The following GLS variants were observed in gnomAD, a reference collection of about 807,000 sequenced individuals.
GLS encodes the protein glutaminase kidney isoform, mitochondrial.
GLS carries 36 observed loss-of-function variants against 86.7 expected under a neutral mutation model. The observed-to-expected ratio is 0.42, with a 90% CI of 0.32 to 0.55. The LOEUF (loss-of-function observed/expected upper bound fraction) is 0.55. Ranked by LOEUF, GLS falls within the 20% of genes least tolerant of loss-of-function variation. The pLI, the probability that GLS is intolerant of heterozygous loss-of-function variation, is 0.17. For missense variants in GLS, 528 were observed against 833.4 expected (o/e 0.63, Z 4.51); for synonymous variants, 317 against 305.9 (o/e 1.04, Z -0.38).
At chr2:190,925,153 T>C (rs890538571) in intron 11 of GLS, among the ~76,000 whole-genome samples, 1 of 152,230 alleles carries the variant, frequency 6.6e-6, no homozygotes, top group Non-Finnish European at 1.5e-5. Flanking sequence ...TTGGCACTCT[T>C]AATTATAAAC....
chr2:190,887,288 A>G (rs1205171862), intron 1 of GLS, among the ~76,000 whole-genome samples: 4 of 152,140 alleles, frequency 2.6e-5, no homozygotes, highest in Non-Finnish European at 4.4e-5. Flanking sequence ...TGGTTATGAA[A>G]CACATTACTT....
intron 9 of GLS, among the ~76,000 whole-genome samples, chr2:190,922,903 A>G (rs1689787522): frequency 6.6e-6 from 1 of 152,102 alleles, no homozygotes; most frequent in African/African-American, 2.4e-5. Flanking sequence ...TTCTTTCCAA[A>G]CTGCTCTTTG....
chr2:190,933,474 A>G, intron 14 of GLS: 1 of 862,654 alleles, frequency 1.2e-6, no homozygotes, highest in South Asian at 5.3e-5. Context: ...GCTTTAAAAT[A>G]TGACTCCTAC....
At chr2:190,933,827 C>G (rs1574608222) in intron 14 of GLS, 3 of 689,648 alleles carry the variant, frequency 4.4e-6, no homozygotes, top group Non-Finnish European at 5.4e-6. Flanking sequence ...AAAGTTTGTT[C>G]TATTTGAAGT....
rs895576711 is a variant in GLS at position 190,887,093 on chromosome 2, G to C, written c.386+5623G>C. Among the ~76,000 whole-genome samples the C allele has an allele frequency of 3.3e-5, 5 of 152,170 alleles. No homozygotes were observed. In the East Asian group the frequency reaches 5.8e-4, roughly 18 times the overall value. The stretch of plus-strand genomic sequence containing the variant: ...TTAAGGTTATATTTTATAGTTGCCT[G>C]TCTGTGCCTTTTCACCTTTAAGTCA... On this transcript the variant is annotated intron_variant, in intron 1 of 17. Coordinates refer to ENST00000320717, the MANE Select transcript of GLS (RefSeq NM_014905.5).
intron 14 of GLS, among the ~76,000 whole-genome samples, chr2:190,942,323 G>A (rs1479681997): frequency 2.0e-5 from 3 of 151,718 alleles, no homozygotes; most frequent in Admixed American, 6.6e-5. Flanking sequence ...CTCGTGATCC[G>A]CCCGCCTCGG....
intron 7 of GLS, among the ~76,000 whole-genome samples, chr2:190,916,779 A>T (rs1340353981): frequency 6.6e-6 from 1 of 152,112 alleles, no homozygotes; most frequent in African/African-American, 2.4e-5. Flanking sequence ...AGTCATACCA[A>T]TTTTTTCGTT....
At chr2:190,882,999 G>A (rs1351365166) in intron 1 of GLS, among the ~76,000 whole-genome samples, 1 of 152,146 alleles carries the variant, frequency 6.6e-6, no homozygotes, top group African/African-American at 2.4e-5. Flanking sequence ...AGTCACAACC[G>A]TTTAAAAGTT....
chr2:190,906,114 G>A (rs1459931289), intron 6 of GLS, among the ~76,000 whole-genome samples: 3 of 152,004 alleles, frequency 2.0e-5, no homozygotes, highest in South Asian at 2.1e-4. Context: ...CTGATGCTAC[G>A]TTTGGTTTTA....
chr2:190,911,720 C>A (rs1487965296), intron 7 of GLS, among the ~76,000 whole-genome samples: 1 of 152,052 alleles, frequency 6.6e-6, no homozygotes, highest in Non-Finnish European at 1.5e-5. Context: ...GAAACACATA[C>A]TATAATGTAT....
At chr2:190,929,356 T>C (rs979508369) in intron 12 of GLS, among the ~76,000 whole-genome samples, 3 of 152,266 alleles carry the variant, frequency 2.0e-5, no homozygotes, top group Admixed American at 1.3e-4. Context: ...TTAGAAAATA[T>C]AGTCAGGAAG....
intron 12 of GLS, among the ~76,000 whole-genome samples, chr2:190,929,290 A>C (rs1175885157): frequency 6.6e-6 from 1 of 151,846 alleles, no homozygotes; most frequent in East Asian, 1.9e-4. Context: ...TAGTTGTAAA[A>C]TATTTTTAAA....
At position 190,964,099 on chromosome 2, in the gene GLS, T is replaced by C. The variant is rs1190770742; in HGVS notation, c.*1113T>C. The stretch of plus-strand genomic sequence containing the variant: ...CAGATTTCTTGTGATTTTTCTATTG[T>C]GTAATTCTTGGTGGGCTCTGTAGTT... On this transcript the variant is annotated 3_prime_UTR_variant, in exon 18 of 18. Coordinates refer to ENST00000320717, the MANE Select transcript of GLS (RefSeq NM_014905.5). The surrounding 1 kb of genome is among the most constrained non-coding windows in gnomAD (Gnocchi z 5.2). 6.6e-6 allele frequency: 1 copy of C among 152,160 alleles called. No individual in the cohort carries two copies. 9.4% of individuals were successfully genotyped at this position (152,160 alleles called of 1,614,324 possible).
In GLS at chr2:190,920,223, C is replaced by T. The variant is rs1689687467; in HGVS notation, c.1039-801C>T. ...AATACGTTTGATTTCAGATCTACAA[C>T]TTACTGCTTTGTAAACTTCGCCGAG... On this transcript the variant is annotated intron_variant, in intron 7 of 17. Transcript: ENST00000320717. This position sits in a 1 kb window ranked among gnomAD's most constrained non-coding sequence, Gnocchi z 4.2. The T allele has an allele frequency of 1.3e-5, 2 of 151,938 alleles. No homozygotes were observed. Among genetic ancestry groups the T allele is most frequent in the Non-Finnish European group, 2.9e-5 (2 of 67,808 alleles). 9.4% of individuals were successfully genotyped at this position (151,938 alleles called of 1,614,324 possible). A position where few individuals can be genotyped will look rare whatever the true frequency, so the allele number is the denominator to read the frequency against.
chr2:190,891,066 T>A (rs1249274237), intron 1 of GLS, among the ~76,000 whole-genome samples: 1 of 152,128 alleles, frequency 6.6e-6, no homozygotes, highest in East Asian at 1.9e-4. Context: ...ATTTGATAGT[T>A]TTTTATTTAT....
Position 190,962,811 on chromosome 2 carries a change from T to C in GLS, c.1854-19T>C. The C allele has an allele frequency of 1.4e-6, 2 of 1,434,708 alleles. No homozygotes were observed. Among genetic ancestry groups the C allele is most frequent in the Non-Finnish European group, 1.8e-6 (2 of 1,086,176 alleles). 88.9% of individuals were successfully genotyped at this position (1,434,708 alleles called of 1,614,324 possible). On this transcript the variant is annotated intron_variant, in intron 17 of 17. Coordinates refer to ENST00000320717, the MANE Select transcript of GLS (RefSeq NM_014905.5). The surrounding 1 kb of genome is among the most constrained non-coding windows in gnomAD (Gnocchi z 4.2). ...ATAAATTACCTAATGACCCTGTCCA[T>C]GCTGTGCTACGTGTTTAGGTGGAAT... is the stretch of plus-strand genomic sequence containing the variant.
rs973905769 is a variant in GLS at position 190,914,082 on chromosome 2, C to G, written c.1038+3761C>G. Among the ~76,000 whole-genome samples, 12 of 152,194 alleles carry G rather than the reference C, an allele frequency of 7.9e-5. 1 individual carries two copies. The highest frequency in any genetic ancestry group is 5.9e-4 in the Admixed American group (9 of 15,282). On this transcript the variant is annotated intron_variant, in intron 7 of 17. Coordinates refer to ENST00000320717, the MANE Select transcript of GLS (RefSeq NM_014905.5). This position sits in a 1 kb window ranked among gnomAD's most constrained non-coding sequence, Gnocchi z 4.4. ...GCTGGGATGACAGGCATTAGCCACT[C>G]TACTTGGCATGCCTCATTCTAGTGG...
chr2:190,910,546 A>G (rs1267321362), intron 7 of GLS, among the ~76,000 whole-genome samples: 1 of 151,450 alleles, frequency 6.6e-6, no homozygotes, highest in Non-Finnish European at 1.5e-5. Flanking sequence ...TCCAACAGTC[A>G]TTTACTCTTG....
At chr2:190,926,016 T>C (rs142457700) in intron 11 of GLS, among the ~76,000 whole-genome samples, 1 of 152,350 alleles carries the variant, frequency 6.6e-6, no homozygotes, top group Admixed American at 6.5e-5. Flanking sequence ...TTGGCTGTTA[T>C]AGAATCTACT....
Sources: gnomAD v4.1 joint callset for allele counts (sites outside exome capture counted in the v4.1 genomes callset) on GRCh38, gnomAD v4.1.1 for gene constraint, Gnocchi (gnomAD v3.1) non-coding constraint, MANE v1.5 for transcripts, NCBI Gene and HGNC (gene_info 2026-07-23, HGNC 2026-07-21) for gene names.